Variants in GTF2H3 observed in about 807,000 individuals in gnomAD.
GTF2H3 encodes general transcription factor IIH subunit 3, also known as TFIIH basal transcription factor complex p34 subunit.
A neutral mutation model predicts 51.1 loss-of-function variants in GTF2H3; 42 were observed. That is an observed-to-expected ratio of 0.82 (90% CI 0.64 to 1.06). The LOEUF is 1.06. GTF2H3 is among the 50% of genes least tolerant of loss of function. GTF2H3 has a pLI of 0.00. For missense variants in GTF2H3, 326 were observed against 366.1 expected, an observed-to-expected ratio of 0.89 and a Z score of 0.89; for synonymous variants, 123 against 123.8, an observed-to-expected ratio of 0.99 and a Z score of 0.04.
chr12:123,652,627 A>T, intron 6 of GTF2H3, 66 bp downstream of exon 6: 1 of 1,509,316 alleles, frequency 6.6e-7, no homozygotes, highest in Non-Finnish European at 9.1e-7. Context: ...TCTTTACTAG[A>T]CTGTTTAAAA....
intron 3 of GTF2H3, among the ~76,000 whole-genome samples, chr12:123,647,467 G>T (rs1955464119): frequency 6.6e-6 from 1 of 151,362 alleles, no homozygotes. Flanking sequence ...GCGAGACTGT[G>T]TCTCAAAAAA....
chr12:123,660,124 G>A (rs775567250), intron 12 of GTF2H3, 42 bp downstream of exon 12: 4 of 1,608,638 alleles, frequency 2.5e-6, no homozygotes, highest in Non-Finnish European at 3.4e-6. Context: ...ATACTTCACA[G>A]CTCTAGAACA....
rs115874307 is a variant in GTF2H3 at position 123,637,062 on chromosome 12, A to G, written c.14-2202A>G. Among the ~76,000 whole-genome samples, 330 of 152,316 alleles carry G rather than the reference A, an allele frequency of 2.2e-3. 1 individual carries two copies. The highest frequency in any genetic ancestry group is 7.5e-3 in the African/African-American group (311 of 41,580). ...TTCGTGGCACTGTACTCCAACCTTG[A>G]GACCTTGTCTCAAAAATTTGTTTAA... On this transcript the variant is annotated intron_variant, in intron 1 of 12. Transcript: ENST00000543341.
At chr12:123,644,012 G>A (rs1379848575) in intron 2 of GTF2H3, among the ~76,000 whole-genome samples, 1 of 152,008 alleles carries the variant, frequency 6.6e-6, no homozygotes, top group Non-Finnish European at 1.5e-5. Context: ...TGTATTTTAA[G>A]TAGAGATAGG....
chr12:123,653,108 A>AT (rs1198407634), intron 7 of GTF2H3, among the ~76,000 whole-genome samples: 1 of 152,158 alleles, frequency 6.6e-6, no homozygotes, highest in Non-Finnish European at 1.5e-5. Flanking sequence ...AAGAAAAAAA[A>AT]AAGAAAACAT....
intron 9 of GTF2H3, among the ~76,000 whole-genome samples, chr12:123,657,656 T>TA (rs1242863503): frequency 6.6e-6 from 1 of 152,260 alleles, no homozygotes; most frequent in Non-Finnish European, 1.5e-5. Context: ...TGCATTTACT[T>TA]ACCTGATTTA....
chr12:123,647,030 G>T (rs1955455990), intron 3 of GTF2H3, among the ~76,000 whole-genome samples: 1 of 151,598 alleles, frequency 6.6e-6, no homozygotes, highest in Non-Finnish European at 1.5e-5. Context: ...GCGGGCACCT[G>T]TAGTCCCAGC....
Position 123,652,538 on chromosome 12 carries a change from A to T in GTF2H3, c.434A>T (p.His145Leu). The T allele has an allele frequency of 6.9e-7, 1 of 1,448,104 alleles. No individual in the cohort carries two copies. Among genetic ancestry groups the T allele is most frequent in the Non-Finnish European group, 9.5e-7 (1 of 1,053,458 alleles). The allele number at this position is 1,448,104 out of a possible 1,614,324, so 89.7% of individuals were successfully genotyped here. ...GSLAKALCYI[H>L]RMNKEVKDNQ... is the part of the protein sequence containing the mutation. ...TTAATGTTAAGAAATTAAGACATTC[A>T]TAGAATGAACAAGGAAGTTAAAGGT... The change falls in exon 6 of 13, where the codon CAT becomes CTT. Residue 145 changes from histidine to leucine, a missense_variant. His to Leu is a moderately conservative substitution (Grantham distance 99). Coordinates refer to ENST00000543341, the MANE Select transcript of GTF2H3 (RefSeq NM_001516.5).
At chr12:123,644,684 T>C (rs1021793136) in intron 2 of GTF2H3, among the ~76,000 whole-genome samples, 1 of 152,120 alleles carries the variant, frequency 6.6e-6, no homozygotes, top group African/African-American at 2.4e-5. Flanking sequence ...AAAAAGTTTT[T>C]AATTCATTTA....
In GTF2H3 at chr12:123,650,990, G is replaced by T; in HGVS notation, c.365-4G>T. 1.2e-5 allele frequency: 19 copies of T among 1,606,560 alleles called. No individual in the cohort carries two copies. Among genetic ancestry groups the T allele is most frequent in the Non-Finnish European group, 1.6e-5 (19 of 1,173,312 alleles). ...TCCCTTTTAATGTTTTCTGTTATTTGCAGGTGACATAAAGGGTCAACATAC... is the reference window on the plus strand; with the variant it reads ...TCCCTTTTAATGTTTTCTGTTATTTTCAGGTGACATAAAGGGTCAACATAC... On this transcript the variant is annotated splice_region_variant and splice_polypyrimidine_tract_variant and intron_variant, in intron 4 of 12. Coordinates refer to ENST00000543341, the MANE Select transcript of GTF2H3 (RefSeq NM_001516.5).
intron 8 of GTF2H3, 136 bp from the exon 9 acceptor site, chr12:123,655,635 A>C: frequency 1.7e-6 from 1 of 593,520 alleles, no homozygotes; most frequent in Admixed American, 2.8e-5. Context: ...GCCAAATGCA[A>C]ATATCTGCCG....
intron 9 of GTF2H3, among the ~76,000 whole-genome samples, chr12:123,657,919 G>T (rs1274369194): frequency 6.6e-6 from 1 of 152,202 alleles, no homozygotes; most frequent in East Asian, 1.9e-4. Context: ...ATGAATGATT[G>T]TTGGGAAAAA....
At chr12:123,636,340 C>T (rs902343615) in intron 1 of GTF2H3, among the ~76,000 whole-genome samples, 13 of 152,114 alleles carry the variant, frequency 8.5e-5, no homozygotes, top group African/African-American at 1.2e-4. Context: ...AGAGTTTGCG[C>T]TGGTTTGGGG....
At chr12:123,637,474 G>A (rs997926274) in intron 1 of GTF2H3, among the ~76,000 whole-genome samples, 2 of 151,548 alleles carry the variant, frequency 1.3e-5, no homozygotes, top group African/African-American at 2.4e-5. Context: ...AAATCTTGAC[G>A]TAGGAATTGC....
chr12:123,643,571 G>T (rs1955407702), intron 2 of GTF2H3, among the ~76,000 whole-genome samples: 1 of 152,102 alleles, frequency 6.6e-6, no homozygotes, highest in Non-Finnish European at 1.5e-5. Context: ...TGCTTCCAGT[G>T]TATTTCGTGG....
chr12:123,645,892 A>G (rs1037883919), intron 3 of GTF2H3, among the ~76,000 whole-genome samples: 2 of 152,210 alleles, frequency 1.3e-5, no homozygotes, highest in Admixed American at 1.3e-4. Context: ...CCCAGCGTGC[A>G]AGTTAGATGG....
In GTF2H3 at chr12:123,659,535, G is replaced by T; in HGVS notation, c.635G>T (p.Gly212Val). The part of the protein sequence containing the change: ...LLQQACDITG[G>V]LYLKVPQMPS... ...TTGCAGGCTTGTGACATCACGGGAGGACTGTACCTGAAGGTGCCTCAGATG... is the reference window on the plus strand; with the variant it reads ...TTGCAGGCTTGTGACATCACGGGAGTACTGTACCTGAAGGTGCCTCAGATG... Residue 212 changes from glycine (G) to valine (V), a missense_variant, in exon 10 of 13, where the codon GGA becomes GTA. Coordinates refer to ENST00000543341, the MANE Select transcript of GTF2H3 (RefSeq NM_001516.5). 6.2e-7 allele frequency: 1 copy of T among 1,614,132 alleles called. No homozygotes were observed. The highest frequency in any genetic ancestry group is 8.5e-7 in the Non-Finnish European group (1 of 1,180,022).
chr12:123,641,432 G>A (rs1955370187), intron 2 of GTF2H3, among the ~76,000 whole-genome samples: 1 of 151,906 alleles, frequency 6.6e-6, no homozygotes, highest in South Asian at 2.1e-4. Flanking sequence ...CGCCATGTTG[G>A]CCAGGCTGAT....
intron 5 of GTF2H3, 46 bp downstream of exon 5, chr12:123,651,102 A>G: frequency 1.5e-6 from 2 of 1,354,334 alleles, no homozygotes; most frequent in Non-Finnish European, 2.1e-6. Flanking sequence ...TCTGTAATAA[A>G]CATATCTTAA....
Sources: gnomAD v4.1 joint callset for allele counts (sites outside exome capture counted in the v4.1 genomes callset) on GRCh38, gnomAD v4.1.1 for gene constraint, MANE v1.5 for transcripts, NCBI Gene and HGNC (gene_info 2026-07-23, HGNC 2026-07-21) for gene names.